Variants in DPYSL4 observed in about 807,000 individuals in gnomAD.
The protein encoded by DPYSL4 is dihydropyrimidinase like 4.
Under a neutral mutation model 63.4 loss-of-function variants are expected in DPYSL4, and 43 were observed. That is an observed-to-expected ratio of 0.68 (90% confidence interval 0.53 to 0.88). The LOEUF is 0.88. Ranked by LOEUF, DPYSL4 falls within the 40% of genes least tolerant of loss-of-function variation. The probability of loss-of-function intolerance (pLI) is 0.00; values close to 1 mark genes in which losing one functional copy is unlikely to be tolerated. For missense variants in DPYSL4, 733 were observed against 819.5 expected (o/e 0.89, Z 1.29); for synonymous variants, 353 against 331.7 (o/e 1.06, Z -0.70).
At chr10:132,200,011 C>T (rs952928849) in intron 8 of DPYSL4, among the ~76,000 whole-genome samples, 23 of 152,174 alleles carry the variant, frequency 1.5e-4, no homozygotes, top group African/African-American at 5.3e-4. Context: ...CAGGGCACCC[C>T]CGGCCAGTCA....
rs926247033 is a variant in DPYSL4 at position 132,200,468 on chromosome 10, C to T, written c.924C>T (p.Asn308=). Residue 308 remains asparagine (N), a synonymous_variant, in exon 9 of 14, where the codon AAC becomes AAT. Transcript: ENST00000338492. ...AAAFVTSPPV[N]PDPTTADHLT... is the part of the protein sequence containing the mutation. ...CCTTCGTCACATCACCCCCTGTCAACCCAGACCCCACCACGGCGGACCACC... is the reference window on the plus strand; with the variant it reads ...CCTTCGTCACATCACCCCCTGTCAATCCAGACCCCACCACGGCGGACCACC... 1.9e-6 allele frequency: 3 copies of T among 1,613,442 alleles called. No individual in the cohort carries two copies. The highest frequency in any genetic ancestry group is 1.7e-5 in the Admixed American group (1 of 60,012).
rs1234009575 is a variant in DPYSL4, at chr10:132,191,217, G to A, written c.128+382G>A. 2.4e-5 allele frequency among the ~76,000 whole-genome samples: 2 copies of A among 84,980 alleles called. 1 individual carries two copies. Among genetic ancestry groups the A allele is most frequent in the Non-Finnish European group, 4.9e-5 (2 of 41,140 alleles). 55.8% of individuals were successfully genotyped at this position (84,980 alleles called of 152,430 possible). A position where few individuals can be genotyped will look rare whatever the true frequency, so the allele number is the denominator to read the frequency against. On this transcript the variant is annotated intron_variant, in intron 2 of 13. Coordinates refer to ENST00000338492, the MANE Select transcript of DPYSL4 (RefSeq NM_006426.3). ...GTTCCCAGCTCTTGTGTACACACTG[G>A]TCACGTGGTATCCAGGCAGGTGCAA...
At chr10:132,204,554 G>C (rs1024411505) in intron 13 of DPYSL4, among the ~76,000 whole-genome samples, 1 of 152,170 alleles carries the variant, frequency 6.6e-6, no homozygotes, top group Non-Finnish European at 1.5e-5. Flanking sequence ...GAGCAGGGAC[G>C]AGGCAGGACT....
chr10:132,188,627 T>C (rs1590086850), intron 1 of DPYSL4, among the ~76,000 whole-genome samples: 1 of 152,192 alleles, frequency 6.6e-6, no homozygotes, highest in Non-Finnish European at 1.5e-5. Context: ...GGTCTAAAAC[T>C]TCTTCCACAA....
rs955737091 is a variant in DPYSL4 at position 132,202,716 on chromosome 10, G to A, written c.1352G>A (p.Arg451Gln). 4.5e-5 allele frequency: 73 copies of A among 1,613,482 alleles called. No individual in the cohort carries two copies. Among genetic ancestry groups the A allele is most frequent in the African/African-American group, 2.8e-4 (21 of 75,062 alleles). Residue 451 changes from arginine to glutamine, a missense_variant, in exon 12 of 14, where the codon CGA becomes CAA. Physicochemically the swap from Arg to Gln is conservative, Grantham distance 43 (BLOSUM62 1). Transcript: ENST00000338492. Reference sequence around the variant, plus strand: ...CCTGCCGTGGTCATAAGTCAGGGCCGAGTGGCGCTGGAGGACGGGAAGATG... The same window carrying A: ...CCTGCCGTGGTCATAAGTCAGGGCCAAGTGGCGCTGGAGGACGGGAAGATG... ...GAPAVVISQG[R>Q]VALEDGKMFV...
chr10:132,195,261 CGT>C (rs2137509032), intron 4 of DPYSL4, among the ~76,000 whole-genome samples: 2 of 152,292 alleles, frequency 1.3e-5, no homozygotes, highest in East Asian at 3.9e-4. Context: ...GCAGATCCGT[CGT>C]TTCTTAGAAG....
chr10:132,197,696 T>C (rs756193640), intron 6 of DPYSL4, among the ~76,000 whole-genome samples: 17 of 152,196 alleles, frequency 1.1e-4, no homozygotes, highest in Non-Finnish European at 7.4e-5. Context: ...TCCCTGACAC[T>C]GCAAACCCAC....
chr10:132,201,542 G>A (rs970682027), intron 10 of DPYSL4, among the ~76,000 whole-genome samples: 16 of 152,246 alleles, frequency 1.1e-4, no homozygotes, highest in Admixed American at 1.0e-3. Context: ...CCAGGAAGGG[G>A]CAGACCAGCA....
chr10:132,189,286 G>A (rs1479215680), intron 1 of DPYSL4, among the ~76,000 whole-genome samples: 3 of 152,188 alleles, frequency 2.0e-5, no homozygotes, highest in Non-Finnish European at 2.9e-5. Flanking sequence ...GCCCGTGGGC[G>A]CGTCCTTCTC....
In DPYSL4 at chr10:132,198,978, A is replaced by T; in HGVS notation, c.811+7A>T. On this transcript the variant is annotated splice_region_variant and intron_variant, in intron 8 of 13. Transcript: ENST00000338492. ...GCTCAGGCCAAGCGCAGAGGTGAGCACCCAGCCCCGCCTCTGATGCCGAGG... is the reference window on the plus strand; with the variant it reads ...GCTCAGGCCAAGCGCAGAGGTGAGCTCCCAGCCCCGCCTCTGATGCCGAGG... 1 of 1,585,118 alleles carries T rather than the reference A, an allele frequency of 6.3e-7. No individual in the cohort carries two copies.
At chr10:132,195,886 C>T (rs1014749807) in intron 4 of DPYSL4, among the ~76,000 whole-genome samples, 6 of 152,206 alleles carry the variant, frequency 3.9e-5, no homozygotes, top group Non-Finnish European at 7.4e-5. Flanking sequence ...CTGCACCTCC[C>T]CTCACCCTGT....
At chr10:132,196,483 T>G (rs1552680) in intron 4 of DPYSL4, among the ~76,000 whole-genome samples, 125,244 of 152,196 alleles carry the variant, frequency 0.82, 51,683 homozygotes, top group East Asian at 0.96. Context: ...AGCGCGGCCC[T>G]GGCCGCACTT....
chr10:132,199,521 C>T (rs1462073655), intron 8 of DPYSL4, among the ~76,000 whole-genome samples: 2 of 151,980 alleles, frequency 1.3e-5, no homozygotes, highest in Non-Finnish European at 2.9e-5. Flanking sequence ...CTGGAGAGGG[C>T]CAAGGATCCA....
chr10:132,203,348 T>C (rs1010447528), intron 12 of DPYSL4, among the ~76,000 whole-genome samples: 6 of 152,266 alleles, frequency 3.9e-5, no homozygotes, highest in African/African-American at 1.4e-4. Flanking sequence ...CATCCGTGTC[T>C]GACGGTGCAG....
intron 1 of DPYSL4, among the ~76,000 whole-genome samples, chr10:132,188,767 C>T (rs1873504): frequency 0.82 from 125,339 of 152,274 alleles, 51,732 homozygotes; most frequent in East Asian, 0.96. Flanking sequence ...AACAAAACTT[C>T]ATCTGTGGAT....
chr10:132,203,529 G>A (rs527502728), intron 12 of DPYSL4: 28 of 544,694 alleles, frequency 5.1e-5, no homozygotes, highest in South Asian at 1.6e-4. Context: ...AGATGGGACC[G>A]CAGGCGGGCA....
chr10:132,203,462 T>G (rs887271051), intron 12 of DPYSL4: 1 of 442,984 alleles, frequency 2.3e-6, no homozygotes, highest in African/African-American at 1.9e-5. Context: ...GGAGGGAGGT[T>G]GAGCATGTGC....
At chr10:132,188,794 C>T (rs1036745422) in intron 1 of DPYSL4, among the ~76,000 whole-genome samples, 4 of 152,216 alleles carry the variant, frequency 2.6e-5, no homozygotes, top group Non-Finnish European at 2.9e-5. Context: ...GTGTGAACTT[C>T]ATAGAATTTT....
At chr10:132,201,092 A>C in intron 10 of DPYSL4, 109 bp downstream of exon 10, 1 of 1,454,540 alleles carries the variant, frequency 6.9e-7, no homozygotes, top group Non-Finnish European at 9.2e-7. Flanking sequence ...CGTGAAACAG[A>C]TCAGAGCACA....
Sources: allele counts gnomAD v4.1 joint callset (sites outside exome capture counted in the v4.1 genomes callset), GRCh38; gene constraint gnomAD v4.1.1; transcripts MANE v1.5; gene names NCBI Gene and HGNC (gene_info 2026-07-23, HGNC 2026-07-21).